PTPRJ: variants seen among roughly 807,000 people sequenced by gnomAD.
PTPRJ encodes the protein receptor-type tyrosine-protein phosphatase eta.
A neutral mutation model predicts 141.3 loss-of-function variants in PTPRJ; 129 were observed. The observed-to-expected ratio is 0.91, with a 90% CI of 0.79 to 1.06. The LOEUF (loss-of-function observed/expected upper bound fraction) is 1.06, where lower values mean the gene tolerates loss of function less well. Ranked by LOEUF, PTPRJ falls within the 50% of genes least tolerant of loss-of-function variation. PTPRJ has a pLI of 0.00. For synonymous variants in PTPRJ, 610 were observed against 640.5 expected (o/e 0.95, Z 0.72); for missense variants, 1,601 against 1,679.7 (o/e 0.95, Z 0.82).
Position 48,130,664 on chromosome 11 carries a change from A to G in PTPRJ, c.1563A>G (p.Pro521=). Residue 521 remains proline, a synonymous_variant, in exon 8 of 25, where the codon CCA becomes CCG. Coordinates refer to ENST00000418331, the MANE Select transcript of PTPRJ (RefSeq NM_002843.4). ...PGTKYCFEIV[P]KGPNGTEGAS... is the part of the protein sequence containing the mutation. ...CCAAGTATTGCTTTGAAATAGTTCCAAAAGGACCAAATGGGACTGAAGGGG... is the reference window on the plus strand; with the variant it reads ...CCAAGTATTGCTTTGAAATAGTTCCGAAAGGACCAAATGGGACTGAAGGGG... 6.2e-7 allele frequency: 1 copy of G among 1,614,116 alleles called. No individual in the cohort carries two copies. The highest frequency in any genetic ancestry group is 8.5e-7 in the Non-Finnish European group (1 of 1,179,982).
intron 1 of PTPRJ, among the ~76,000 whole-genome samples, chr11:48,066,945 C>G: frequency 6.6e-6 from 1 of 152,044 alleles, no homozygotes; most frequent in East Asian, 1.9e-4. Flanking sequence ...TCCAGGGTCA[C>G]AATTAAATGG....
At chr11:47,991,627 T>A (rs1476979419) in intron 1 of PTPRJ, among the ~76,000 whole-genome samples, 1 of 152,180 alleles carries the variant, frequency 6.6e-6, no homozygotes, top group Non-Finnish European at 1.5e-5. Context: ...GTGCTTGTGG[T>A]CTTGTTCCTG....
At chr11:48,049,565 C>CAAATCAAAA (rs746217685) in intron 1 of PTPRJ, among the ~76,000 whole-genome samples, 1 of 150,704 alleles carries the variant, frequency 6.6e-6, no homozygotes, top group African/African-American at 2.5e-5. Flanking sequence ...CAAAACAAAA[C>CAAATCAAAA]AAGTCGGGTG....
intron 1 of PTPRJ, among the ~76,000 whole-genome samples, chr11:48,008,384 C>T (rs1337340438): frequency 4.6e-5 from 7 of 151,908 alleles, no homozygotes; most frequent in East Asian, 1.9e-4. Context: ...CTCATCCTCC[C>T]GAGTAGCAGG....
intron 1 of PTPRJ, among the ~76,000 whole-genome samples, chr11:48,084,106 T>C (rs1168535614): frequency 6.6e-6 from 1 of 152,156 alleles, no homozygotes. Context: ...AGATGCTGCG[T>C]TGGTGTAAAA....
intron 10 of PTPRJ, among the ~76,000 whole-genome samples, chr11:48,138,530 C>T (rs1055057873): frequency 6.6e-6 from 1 of 152,122 alleles, no homozygotes; most frequent in African/African-American, 2.4e-5. Context: ...ATAATACTGT[C>T]CTCCAGTTGT....
At chr11:48,085,599 C>T (rs1855681811) in intron 1 of PTPRJ, among the ~76,000 whole-genome samples, 1 of 152,188 alleles carries the variant, frequency 6.6e-6, no homozygotes, top group African/African-American at 2.4e-5. Flanking sequence ...CCCGTCTCAG[C>T]CTCCCAAAGT....
At chr11:48,120,359 A>G (rs912704043) in intron 3 of PTPRJ, among the ~76,000 whole-genome samples, 1 of 152,198 alleles carries the variant, frequency 6.6e-6, no homozygotes, top group African/African-American at 2.4e-5. Flanking sequence ...CAAAAAAGTT[A>G]TCATGTGCTT....
At chr11:48,074,854 T>A (rs1855358366) in intron 1 of PTPRJ, among the ~76,000 whole-genome samples, 1 of 152,106 alleles carries the variant, frequency 6.6e-6, no homozygotes, top group Non-Finnish European at 1.5e-5. Flanking sequence ...TTTCAGCAAA[T>A]TAGGGCCAGG....
intron 22 of PTPRJ, among the ~76,000 whole-genome samples, chr11:48,162,623 C>A (rs1038647305): frequency 2.0e-5 from 3 of 152,206 alleles, no homozygotes; most frequent in African/African-American, 7.2e-5. Flanking sequence ...TGTCAAAGGG[C>A]AGCTGTCATA....
intron 1 of PTPRJ, chr11:48,096,861 G>A (rs1257247595): frequency 1.3e-5 from 2 of 154,718 alleles, no homozygotes; most frequent in Admixed American, 6.5e-5. Context: ...TTCCCTGGAT[G>A]GTTCTGCTAC....
At chr11:48,102,626 G>A (rs148186513) in intron 1 of PTPRJ, among the ~76,000 whole-genome samples, 121 of 152,040 alleles carry the variant, frequency 8.0e-4, no homozygotes, top group African/African-American at 2.5e-3. Context: ...TACAGGCCAG[G>A]CTGGTCTTGA....
Position 48,159,932 on chromosome 11 carries a change from C to A in PTPRJ, c.3441C>A (p.Thr1147=), listed in dbSNP as rs764298429. The A allele has an allele frequency of 7.2e-5, 116 of 1,613,464 alleles. No individual in the cohort carries two copies. Among genetic ancestry groups the A allele is most frequent in the Non-Finnish European group, 3.1e-5 (36 of 1,179,762 alleles). The change falls in exon 22 of 25, where the codon ACC becomes ACA. Residue 1147 remains threonine (T), a splice_region_variant and synonymous_variant. Coordinates refer to ENST00000418331, the MANE Select transcript of PTPRJ (RefSeq NM_002843.4). The stretch of plus-strand genomic sequence containing the variant: ...ATAAAAATGCAATTTTGTTCTAGAC[C>A]AAATGTGAGGAGTATTGGCCCTCCA... ...MLTKCVEQGR[T]KCEEYWPSKQ...
chr11:48,150,022 T>A lies in PTPRJ; in HGVS notation c.3050+24T>A, dbSNP rs375655985. 66 of 1,509,442 alleles carry A rather than the reference T, an allele frequency of 4.4e-5. 1 individual carries two copies. The African/African-American group carries it at 5.7e-4, about 13-fold the overall frequency. 93.5% of individuals were successfully genotyped at this position (1,509,442 alleles called of 1,614,324 possible). A position where few individuals can be genotyped will look rare whatever the true frequency, so the allele number is the denominator to read the frequency against. On this transcript the variant is annotated intron_variant, in intron 17 of 24. Transcript: ENST00000418331. ...AAGTGAGTAATCTCTTTATTTTTTT[T>A]AATAACTTGTACTTTTCTATTGAAT...
intron 1 of PTPRJ, among the ~76,000 whole-genome samples, chr11:48,090,741 C>T (rs1855848684): frequency 6.6e-6 from 1 of 152,162 alleles, no homozygotes; most frequent in African/African-American, 2.4e-5. Context: ...TTTCCCTTTC[C>T]TGAGAAGAGC....
At chr11:48,134,046 T>C (rs1464233403) in intron 8 of PTPRJ, among the ~76,000 whole-genome samples, 1 of 152,156 alleles carries the variant, frequency 6.6e-6, no homozygotes, top group Non-Finnish European at 1.5e-5. Context: ...TTACACAACA[T>C]TGTGAATATT....
chr11:48,140,674 C>G (rs1374103570), intron 11 of PTPRJ, among the ~76,000 whole-genome samples: 1 of 152,166 alleles, frequency 6.6e-6, no homozygotes, highest in African/African-American at 2.4e-5. Flanking sequence ...GACCATCCCA[C>G]TAGATGTGCA....
rs71045545 is a variant in PTPRJ at position 48,117,540 on chromosome 11, C to CAAA, written c.353-3430_353-3428dup. Among the ~76,000 whole-genome samples, 58 of 19,692 alleles carry CAAA rather than the reference C, an allele frequency of 2.9e-3. 20 individuals are homozygous for CAAA. Among genetic ancestry groups the CAAA allele is most frequent in the African/African-American group, 4.3e-3 (18 of 4,144 alleles). The allele number at this position is 19,692 out of a possible 152,430, so 12.9% of individuals were successfully genotyped here. ...TGGGCAACAGAGCAAGATTCTGTCT[C>CAAA]AAAAAAAAAAAAAAAAAAAAAAAAA... is the stretch of plus-strand genomic sequence containing the variant. On this transcript the variant is annotated intron_variant, in intron 3 of 24. Transcript: ENST00000418331.
At chr11:48,048,622 C>A (rs185849655) in intron 1 of PTPRJ, among the ~76,000 whole-genome samples, 1 of 151,920 alleles carries the variant, frequency 6.6e-6, no homozygotes, top group Non-Finnish European at 1.5e-5. Flanking sequence ...GGCGAAACCC[C>A]GTCTCTACTA....
Sources: gnomAD v4.1 joint callset for allele counts (sites outside exome capture counted in the v4.1 genomes callset) on GRCh38, gnomAD v4.1.1 for gene constraint, MANE v1.5 for transcripts, NCBI Gene and HGNC (gene_info 2026-07-23, HGNC 2026-07-21) for gene names.